Variants in KIF25 observed in about 807,000 individuals in gnomAD.
The protein encoded by KIF25 is kinesin-like protein KIF25.
Under a neutral mutation model 32.9 loss-of-function variants are expected in KIF25, and 19 were observed. That is an observed-to-expected ratio of 0.58 (90% CI 0.40 to 0.85). The LOEUF is 0.85. Ranked by LOEUF, KIF25 falls within the 40% of genes least tolerant of loss-of-function variation. The pLI is 0.00. For synonymous variants in KIF25, 225 were observed against 213.7 expected (o/e 1.05, Z -0.46); for missense variants, 485 against 507.0 (o/e 0.96, Z 0.42).
chr6:168,009,359 T>C lies in KIF25; in HGVS notation c.-163+5656T>C, dbSNP rs548432388. ...TGATTTTTGTCCTTCATTCTGTAGATGTGACCCAATTTGTTTAGTGATTTG... is the reference window on the plus strand; with the variant it reads ...TGATTTTTGTCCTTCATTCTGTAGACGTGACCCAATTTGTTTAGTGATTTG... On this transcript the variant is annotated intron_variant, in intron 4 of 12. Coordinates refer to ENST00000643607, the MANE Select transcript of KIF25 (RefSeq NM_030615.4). Among the ~76,000 whole-genome samples, 3 of 152,314 alleles carry C rather than the reference T, an allele frequency of 2.0e-5. No individual in the cohort carries two copies. The East Asian group carries it at 5.8e-4, about 29-fold the overall frequency.
rs548217790 is a variant in KIF25 at position 168,031,921 on chromosome 6, T to C, written c.167+1074T>C. Among the ~76,000 whole-genome samples, 4 of 152,330 alleles carry C rather than the reference T, an allele frequency of 2.6e-5. No homozygotes were observed. In the South Asian group the frequency reaches 8.3e-4, roughly 32 times the overall value. ...CAGCCCAGGAGGTCCTGAGAGCACA[T>C]GCCCAGGGTGGTCGGGCGCAGCTTG... On this transcript the variant is annotated intron_variant, in intron 7 of 12. Coordinates refer to ENST00000643607, the MANE Select transcript of KIF25 (RefSeq NM_030615.4).
chr6:168,021,502 T>C (rs1359146977), intron 5 of KIF25, among the ~76,000 whole-genome samples: 2 of 152,260 alleles, frequency 1.3e-5, no homozygotes, highest in Non-Finnish European at 2.9e-5. Flanking sequence ...CATGTGCTTT[T>C]ATATATAAAA....
intron 5 of KIF25, among the ~76,000 whole-genome samples, chr6:168,018,545 A>G (rs1233992665): frequency 1.3e-5 from 2 of 152,188 alleles, no homozygotes; most frequent in African/African-American, 4.8e-5. Flanking sequence ...AAGTAAATAG[A>G]CATTTTTTAT....
chr6:168,041,648 T>C (rs1799120748), intron 10 of KIF25, among the ~76,000 whole-genome samples: 1 of 152,242 alleles, frequency 6.6e-6, no homozygotes, highest in Non-Finnish European at 1.5e-5. Context: ...AATTTATTTC[T>C]AAAAGGGCTC....
At chr6:168,020,128 TCAAA>T (rs58439453) in intron 5 of KIF25, among the ~76,000 whole-genome samples, 40,365 of 150,196 alleles carry the variant, frequency 0.27, 5,632 homozygotes, top group Non-Finnish European at 0.34. Context: ...AGACTCCATC[TCAAA>T]CAAACAAACA....
intron 10 of KIF25, among the ~76,000 whole-genome samples, chr6:168,040,847 A>G (rs1799108915): frequency 6.6e-6 from 1 of 152,258 alleles, no homozygotes; most frequent in Non-Finnish European, 1.5e-5. Context: ...TCAGTTTAAA[A>G]CCAAAATTTC....
chr6:168,042,176 G>T (rs1286246757), intron 11 of KIF25, 25 bp downstream of exon 11: 3 of 1,541,016 alleles, frequency 1.9e-6, no homozygotes, highest in African/African-American at 1.4e-5. Flanking sequence ...GCATTTCCCT[G>T]GGGGGTGGGT....
Position 168,044,970 on chromosome 6 carries a change from A to G in KIF25, c.1129A>G (p.Thr377Ala), listed in dbSNP as rs2114920353. Residue 377 changes from threonine (T) to alanine (A), a missense_variant, in exon 13 of 13, where the codon ACG (threonine) becomes GCG (alanine). Thr to Ala is a moderately conservative substitution (Grantham distance 58). This residue lies in a region of KIF25 where 480 missense variants were observed against 470.3 expected (regional missense o/e 1.02). Transcript: ENST00000643607. ...PARKKPPSSQ[T>A]EGKRRPD ...CCGAAAGAAGCCGCCCAGCTCCCAA[A>G]CGGAGGGGAAGAGGAGGCCGGATTG... 1 of 1,605,266 alleles carries G rather than the reference A, an allele frequency of 6.2e-7. No individual in the cohort carries two copies. Among genetic ancestry groups the G allele is most frequent in the African/African-American group, 1.3e-5 (1 of 74,732 alleles).
At chr6:168,042,459 C>T (rs1799138859) in intron 11 of KIF25, 102 bp from the exon 12 acceptor site, 1 of 1,423,082 alleles carries the variant, frequency 7.0e-7, no homozygotes, top group Non-Finnish European at 9.6e-7. Flanking sequence ...CCATGGCCTC[C>T]CCTCTACCTG....
chr6:168,019,413 G>A (rs538970741), intron 5 of KIF25, among the ~76,000 whole-genome samples: 2 of 152,306 alleles, frequency 1.3e-5, no homozygotes, highest in East Asian at 3.9e-4. Flanking sequence ...AACACGTTGA[G>A]TGGAGATATG....
intron 8 of KIF25, among the ~76,000 whole-genome samples, chr6:168,035,545 G>T (rs1583143276): frequency 7.2e-6 from 1 of 138,402 alleles, no homozygotes; most frequent in Non-Finnish European, 1.6e-5. Context: ...GCACTGGGAA[G>T]AGCTGTTAGC....
chr6:168,014,611 A>G (rs1205170512), intron 4 of KIF25, among the ~76,000 whole-genome samples: 1 of 152,202 alleles, frequency 6.6e-6, no homozygotes. Context: ...TATTTCCAAA[A>G]GTCTAAAGAG....
intron 5 of KIF25, among the ~76,000 whole-genome samples, chr6:168,020,610 C>T (rs565991479): frequency 6.6e-6 from 1 of 152,244 alleles, no homozygotes; most frequent in South Asian, 2.1e-4. Context: ...AGTGTACTTT[C>T]GTATGGTCCT....
At chr6:168,024,267 A>G (rs1798827245) in intron 5 of KIF25, among the ~76,000 whole-genome samples, 1 of 152,194 alleles carries the variant, frequency 6.6e-6, no homozygotes, top group Non-Finnish European at 1.5e-5. Flanking sequence ...TAGCTTCATC[A>G]TGTTTGTTTA....
Position 168,005,396 on chromosome 6 carries a change from G to A in KIF25, c.-163+1693G>A, listed in dbSNP as rs571232240. Among the ~76,000 whole-genome samples the A allele has an allele frequency of 3.3e-4, 50 of 152,286 alleles. No homozygotes were observed. The South Asian group carries it at 4.6e-3, about 14-fold the overall frequency. On this transcript the variant is annotated intron_variant, in intron 4 of 12. Transcript: ENST00000643607. ...TGGCACAGCCTGCACGCTGCCCTGC[G>A]GGGTTGGGCAGAGGCCACTGTGGAC...
rs762420155 is a variant in KIF25, at chr6:168,040,078, G to T, written c.508G>T (p.Ala170Ser). 11 of 1,612,950 alleles carry T rather than the reference G, an allele frequency of 6.8e-6. No homozygotes were observed. Among genetic ancestry groups the T allele is most frequent in the South Asian group, 2.2e-5 (2 of 91,034 alleles). Residue 170 changes from alanine (A) to serine (S), a missense_variant, in exon 10 of 13, where the codon GCC becomes TCC. Around this residue, in one of 2 missense-constraint regions of KIF25, gnomAD observed 480 missense variants for 470.3 expected, o/e 1.02. Coordinates refer to ENST00000643607, the MANE Select transcript of KIF25 (RefSeq NM_030615.4). ...CCTTGTCTGTAGGGCTGTCGGCAGC[G>T]CCTCGAAACTGATGGAGCTCGTTCA... ...ALLASEAVGS[A>S]SKLMELVHGG...
rs1481100393 is a variant in KIF25, at chr6:168,042,015, A to T, written c.693A>T (p.Ala231=). The change falls in exon 11 of 13, where the codon GCA becomes GCT. Residue 231 remains alanine, a synonymous_variant. Transcript: ENST00000643607. ...CCCTCCCCAGGGAGCAAACAGAGGC[A>T]GGAAGGGCAGGAAGGAGCCGCAGAG... ...SATLPREQTE[A]GRAGRSRRAS... 2 of 1,551,600 alleles carry T rather than the reference A, an allele frequency of 1.3e-6. No individual in the cohort carries two copies. Among genetic ancestry groups the T allele is most frequent in the Admixed American group, 2.0e-5 (1 of 51,032 alleles).
intron 4 of KIF25, among the ~76,000 whole-genome samples, chr6:168,014,326 G>A (rs931120173): frequency 1.3e-5 from 2 of 152,128 alleles, no homozygotes; most frequent in Non-Finnish European, 2.9e-5. Flanking sequence ...ACTGTTCCTT[G>A]TTACTTTATT....
chr6:168,012,513 C>A (rs2114875203), intron 4 of KIF25, among the ~76,000 whole-genome samples: 1 of 152,294 alleles, frequency 6.6e-6, no homozygotes, highest in South Asian at 2.1e-4. Context: ...CAGGCTATAT[C>A]TCGGGTTCGG....
Sources: gnomAD v4.1 joint callset for allele counts (sites outside exome capture counted in the v4.1 genomes callset) on GRCh38, gnomAD v4.1.1 for gene constraint, gnomAD v4.1.1 regional missense constraint, MANE v1.5 for transcripts, NCBI Gene and HGNC (gene_info 2026-07-23, HGNC 2026-07-21) for gene names.